DECR1: variants seen among roughly 807,000 people sequenced by gnomAD.
DECR1 encodes 2,4-dienoyl-CoA reductase 1, also known as 2,4-dienoyl-CoA reductase [(3E)-enoyl-CoA-producing], mitochondrial.
In DECR1, 44 loss-of-function variants were observed where a neutral mutation model predicts 38.8. The ratio of observed to expected loss-of-function variants is 1.13; its 90% CI spans 0.89 to 1.46. The LOEUF (loss-of-function observed/expected upper bound fraction) is 1.46, where lower values mean the gene tolerates loss of function less well. Among genes scored for constraint, DECR1 ranks in the 40% most tolerant of loss-of-function variants. The probability of loss-of-function intolerance (pLI) is 0.00; values close to 1 mark genes in which losing one functional copy is unlikely to be tolerated. For missense variants in DECR1, 428 were observed against 405.5 expected (o/e 1.06, Z -0.48); for synonymous variants, 148 against 135.2 (o/e 1.09, Z -0.66).
rs1006273815 is a variant in DECR1 at position 90,020,823 on chromosome 8, A to G, written c.418-86A>G. The G allele has an allele frequency of 2.5e-5, 27 of 1,076,402 alleles. No homozygotes were observed. In the African/African-American group the frequency reaches 3.1e-4, roughly 12 times the overall value. 66.7% of individuals were successfully genotyped at this position (1,076,402 alleles called of 1,614,324 possible). The stretch of plus-strand genomic sequence containing the variant: ...ACTTCAACTTTATTGTATTATTTCT[A>G]TTAATACATTTCAGAAAAAAAACCC... On this transcript the variant is annotated intron_variant, in intron 4 of 9. Transcript: ENST00000220764.
At chr8:90,005,176 TGAA>T (rs1365017099) in intron 1 of DECR1, 1 of 363,740 alleles carries the variant, frequency 2.7e-6, no homozygotes, top group Admixed American at 3.8e-5. Flanking sequence ...GTGGAGTTGG[TGAA>T]GTATGGGAAC....
At chr8:90,006,107 C>T in intron 1 of DECR1, 1 of 667,098 alleles carries the variant, frequency 1.5e-6, no homozygotes, top group South Asian at 1.6e-5. Context: ...TAGACCCCAC[C>T]TCCAACATTG....
intron 5 of DECR1, among the ~76,000 whole-genome samples, chr8:90,029,826 C>T (rs1586154186): frequency 6.6e-6 from 1 of 152,140 alleles, no homozygotes; most frequent in East Asian, 1.9e-4. Flanking sequence ...AGTCTCTATA[C>T]TAGCCCGTTT....
intron 8 of DECR1, among the ~76,000 whole-genome samples, chr8:90,045,460 G>A (rs1258570773): frequency 6.6e-6 from 1 of 152,178 alleles, no homozygotes; most frequent in Non-Finnish European, 1.5e-5. Context: ...TAGAACTGCA[G>A]GGTGGCAGTG....
At chr8:90,050,959 G>A (rs1814067645) in intron 8 of DECR1, among the ~76,000 whole-genome samples, 1 of 152,126 alleles carries the variant, frequency 6.6e-6, no homozygotes, top group Non-Finnish European at 1.5e-5. Context: ...TCACTCATAA[G>A]TGGGAATTGA....
intron 1 of DECR1, 62 bp downstream of exon 1, chr8:90,001,623 C>T (rs1250563046): frequency 6.8e-7 from 1 of 1,476,248 alleles, no homozygotes; most frequent in Non-Finnish European, 9.3e-7. Flanking sequence ...AGAGAGAGGA[C>T]AGGGCGTCAC....
intron 8 of DECR1, among the ~76,000 whole-genome samples, chr8:90,047,261 C>T (rs1022322387): frequency 6.6e-6 from 1 of 152,074 alleles, no homozygotes; most frequent in Non-Finnish European, 1.5e-5. Flanking sequence ...AGTCAAGACC[C>T]ATCAGTGTGC....
At chr8:90,015,326 TC>T (rs1368328999) in intron 1 of DECR1, among the ~76,000 whole-genome samples, 5 of 152,164 alleles carry the variant, frequency 3.3e-5, no homozygotes, top group African/African-American at 1.2e-4. Context: ...TCAGTTTTTT[TC>T]ATCTATAAAA....
chr8:90,016,067 C>T (rs564341883), intron 1 of DECR1, among the ~76,000 whole-genome samples: 15 of 152,146 alleles, frequency 9.9e-5, no homozygotes, highest in South Asian at 2.1e-4. Context: ...CAGTGATGTT[C>T]GCATGTAATG....
rs1423987177 is a variant in DECR1 at position 90,051,954 on chromosome 8, T to C, written c.*57T>C. The stretch of plus-strand genomic sequence containing the variant: ...AAGGGAATAGAAATGAAACAAATTA[T>C]CTCTCATCTTTTGACTATTTCAAGT... On this transcript the variant is annotated 3_prime_UTR_variant, in exon 10 of 10. Transcript: ENST00000220764. The C allele has an allele frequency of 1.9e-5, 27 of 1,428,398 alleles. No homozygotes were observed. Among genetic ancestry groups the C allele is most frequent in the Non-Finnish European group, 2.6e-5 (26 of 1,016,694 alleles). 88.5% of individuals were successfully genotyped at this position (1,428,398 alleles called of 1,614,324 possible). A position where few individuals can be genotyped will look rare whatever the true frequency, so the allele number is the denominator to read the frequency against.
In DECR1 at chr8:90,006,494, G is replaced by T. The variant is rs1007993522; in HGVS notation, c.69+4933G>T. ...GCCTGTTGGCTGCGTTAAAGAGTTA[G>T]AACTTTGTCCTGCAGGGTGGGAGTG... On this transcript the variant is annotated intron_variant, in intron 1 of 9. Coordinates refer to ENST00000220764, the MANE Select transcript of DECR1 (RefSeq NM_001359.2). 2.6e-5 allele frequency among the ~76,000 whole-genome samples: 4 copies of T among 152,198 alleles called. No individual in the cohort carries two copies. In the South Asian group the frequency reaches 8.3e-4, roughly 31 times the overall value.
At position 90,053,496 on chromosome 8, in the gene DECR1, C is replaced by T. The variant is rs1814143321; in HGVS notation, c.*1599C>T. Among the ~76,000 whole-genome samples, 1 of 150,888 alleles carries T rather than the reference C, an allele frequency of 6.6e-6. No individual in the cohort carries two copies. The highest frequency in any genetic ancestry group is 2.1e-4 in the South Asian group (1 of 4,768). Reference sequence around the variant, plus strand: ...CACTCCATTTCCAAACCCACCTTCCCACCCACCTCTCACCAAACACACAAA... The same window carrying T: ...CACTCCATTTCCAAACCCACCTTCCTACCCACCTCTCACCAAACACACAAA... On this transcript the variant is annotated 3_prime_UTR_variant, in exon 10 of 10. Transcript: ENST00000220764.
At chr8:90,049,460 C>T (rs1814007994) in intron 8 of DECR1, among the ~76,000 whole-genome samples, 1 of 152,076 alleles carries the variant, frequency 6.6e-6, no homozygotes, top group Non-Finnish European at 1.5e-5. Context: ...CCTAGGAATC[C>T]AACTTACAAG....
At position 90,027,941 on chromosome 8, in the gene DECR1, A is replaced by G. The variant is rs141582232; in HGVS notation, c.565+6885A>G. On this transcript the variant is annotated intron_variant, in intron 5 of 9. Coordinates refer to ENST00000220764, the MANE Select transcript of DECR1 (RefSeq NM_001359.2). ...GGCTGAATCTTCCTTCATTTTGGTA[A>G]ATTATCCTAGTTATATATTGCTAGA... is the stretch of plus-strand genomic sequence containing the variant. 4.8e-3 allele frequency among the ~76,000 whole-genome samples: 736 copies of G among 152,120 alleles called. 7 individuals are homozygous for G. Among genetic ancestry groups the G allele is most frequent in the African/African-American group, 0.017 (693 of 41,494 alleles).
At chr8:90,018,685 G>A (rs1328286434) in intron 2 of DECR1, 3 of 436,810 alleles carry the variant, frequency 6.9e-6, no homozygotes, top group African/African-American at 5.9e-5. Context: ...AGTAGATAAT[G>A]TTAAAGTAAA....
chr8:90,002,790 C>G (rs1812647969), intron 1 of DECR1, among the ~76,000 whole-genome samples: 1 of 152,044 alleles, frequency 6.6e-6, no homozygotes. Flanking sequence ...TTTTTTTTCT[C>G]TCCCTGTGAA....
intron 5 of DECR1, 91 bp from the exon 6 acceptor site, chr8:90,036,748 CTT>C: frequency 2.4e-6 from 2 of 824,056 alleles, no homozygotes; most frequent in Non-Finnish European, 3.8e-6. Context: ...CTTATACCCT[CTT>C]TAATCAGATC....
chr8:90,028,977 A>G (rs1813425023), intron 5 of DECR1, among the ~76,000 whole-genome samples: 1 of 152,126 alleles, frequency 6.6e-6, no homozygotes, highest in Non-Finnish European at 1.5e-5. Flanking sequence ...TACAGATGAG[A>G]AACTATGGCT....
At chr8:90,014,419 T>C (rs944359800) in intron 1 of DECR1, among the ~76,000 whole-genome samples, 2 of 152,206 alleles carry the variant, frequency 1.3e-5, no homozygotes, top group South Asian at 2.1e-4. Context: ...ACATATGCTG[T>C]GTATTGTCAG....
Sources: gnomAD v4.1 joint callset for allele counts (sites outside exome capture counted in the v4.1 genomes callset) on GRCh38, gnomAD v4.1.1 for gene constraint, MANE v1.5 for transcripts, NCBI Gene and HGNC (gene_info 2026-07-23, HGNC 2026-07-21) for gene names.